Variants in WWC2 observed in about 807,000 individuals in gnomAD.
WWC2 encodes the protein WW and C2 domain containing 2, also known as protein WWC2.
Under a neutral mutation model 138.5 loss-of-function variants are expected in WWC2, and 101 were observed. The observed-to-expected ratio is 0.73, with a 90% confidence interval of 0.62 to 0.86. The LOEUF (loss-of-function observed/expected upper bound fraction) is 0.86. Among genes scored for constraint, WWC2 ranks in the 40% least tolerant of loss-of-function variants. WWC2 has a pLI of 0.00. For synonymous variants in WWC2, 558 were observed against 538.4 expected (o/e 1.04, Z -0.50); for missense variants, 1,420 against 1,419.4 (o/e 1.00, Z -0.01).
chr4:183,172,485 C>T (rs181153015), intron 1 of WWC2, among the ~76,000 whole-genome samples: 9 of 149,738 alleles, frequency 6.0e-5, no homozygotes, highest in South Asian at 4.2e-4. Flanking sequence ...AGTAAAAATT[C>T]GATGGTACTG....
At chr4:183,184,066 G>T (rs1301804874) in intron 1 of WWC2, among the ~76,000 whole-genome samples, 1 of 152,152 alleles carries the variant, frequency 6.6e-6, no homozygotes, top group Non-Finnish European at 1.5e-5. Context: ...ACAATGTTGT[G>T]CAACCAACCC....
At chr4:183,153,435 A>G (rs1733702128) in intron 1 of WWC2, among the ~76,000 whole-genome samples, 1 of 152,172 alleles carries the variant, frequency 6.6e-6, no homozygotes, top group African/African-American at 2.4e-5. Flanking sequence ...TCTGGCTGAA[A>G]TGTTCTAAAG....
chr4:183,284,206 ATTG>A lies in WWC2; in HGVS notation c.2884-17_2884-15del. On this transcript the variant is annotated splice_polypyrimidine_tract_variant and intron_variant, in intron 18 of 22. Coordinates refer to ENST00000403733, the MANE Select transcript of WWC2 (RefSeq NM_024949.6). ...TTACACATCTTTCAGCTCCTGACAA[ATTG>A]TTAACTTCTCTTATAGGTTGACAAA... is the stretch of plus-strand genomic sequence containing the variant. 1 of 1,608,260 alleles carries A rather than the reference ATTG, an allele frequency of 6.2e-7. No homozygotes were observed. Among genetic ancestry groups the A allele is most frequent in the Non-Finnish European group, 8.5e-7 (1 of 1,175,380 alleles).
At chr4:183,238,676 GC>G (rs1167523148) in intron 4 of WWC2, among the ~76,000 whole-genome samples, 1 of 152,096 alleles carries the variant, frequency 6.6e-6, no homozygotes, top group Non-Finnish European at 1.5e-5. Context: ...TACCAAGTGA[GC>G]CCCACTAACC....
rs367635051 is a variant in WWC2, at chr4:183,310,012, A to C, written c.3385-2329A>C. ...TCCAACTGTATGGCATTCTGGGAAA[A>C]AGAAAACTGCAGAGCCAGTGAAGAG... On this transcript the variant is annotated intron_variant, in intron 21 of 22. Transcript: ENST00000403733. 1.8e-4 allele frequency among the ~76,000 whole-genome samples: 27 copies of C among 152,342 alleles called. 2 individuals are homozygous for C. The highest frequency in any genetic ancestry group is 1.4e-3 in the Admixed American group (22 of 15,310).
At position 183,137,012 on chromosome 4, in the gene WWC2, C is replaced by T. The variant is rs150347835; in HGVS notation, c.131+37390C>T. Among the ~76,000 whole-genome samples, 527 of 152,272 alleles carry T rather than the reference C, an allele frequency of 3.5e-3. 12 individuals carry two copies. The highest frequency in any genetic ancestry group is 0.032 in the Admixed American group (484 of 15,298). On this transcript the variant is annotated intron_variant, in intron 1 of 22. Coordinates refer to ENST00000403733, the MANE Select transcript of WWC2 (RefSeq NM_024949.6). ...ACAATGGTAAGTATTTGTGTATCAA[C>T]ATATCTAAACATAGAAAAAGTACTG...
At position 183,283,067 on chromosome 4, in the gene WWC2, A is replaced by G. The variant is rs1217552900; in HGVS notation, c.2883+161A>G. Among the ~76,000 whole-genome samples the G allele has an allele frequency of 2.6e-5, 4 of 152,248 alleles. No individual in the cohort carries two copies. The East Asian group carries it at 7.7e-4, about 29-fold the overall frequency. On this transcript the variant is annotated intron_variant, in intron 18 of 22. Coordinates refer to ENST00000403733, the MANE Select transcript of WWC2 (RefSeq NM_024949.6). Reference sequence around the variant, plus strand: ...GTGGGAATAGGCTCTAAGAAGCATCATAAATGCTTTAACGTTTTAAAATGG... The same window carrying G: ...GTGGGAATAGGCTCTAAGAAGCATCGTAAATGCTTTAACGTTTTAAAATGG...
intron 1 of WWC2, among the ~76,000 whole-genome samples, chr4:183,103,617 C>T (rs1026397746): frequency 3.3e-5 from 5 of 150,694 alleles, no homozygotes; most frequent in Admixed American, 1.3e-4. Flanking sequence ...CATGAACCAC[C>T]GCACCTGGAC....
intron 1 of WWC2, among the ~76,000 whole-genome samples, chr4:183,173,942 A>C (rs139908315): frequency 2.9e-3 from 445 of 152,272 alleles, no homozygotes; most frequent in South Asian, 9.5e-3. Context: ...GTCATATGGC[A>C]GTGATCTGGC....
intron 2 of WWC2, among the ~76,000 whole-genome samples, chr4:183,206,289 TA>T (rs1168911508): frequency 1.3e-5 from 2 of 152,170 alleles, no homozygotes; most frequent in Non-Finnish European, 2.9e-5. Context: ...CTTTGTTTTT[TA>T]AAAATCTCTA....
At chr4:183,106,310 T>G (rs1217489836) in intron 1 of WWC2, among the ~76,000 whole-genome samples, 2 of 152,154 alleles carry the variant, frequency 1.3e-5, no homozygotes, top group African/African-American at 4.8e-5. Context: ...AAAGGCACAG[T>G]GTGTATGTAA....
chr4:183,207,679 A>C (rs901332062), intron 2 of WWC2, among the ~76,000 whole-genome samples: 30 of 152,142 alleles, frequency 2.0e-4, no homozygotes, highest in Admixed American at 4.6e-4. Context: ...TTCTGTAGGC[A>C]CTGGGGAGCC....
chr4:183,110,110 T>G (rs1193419014), intron 1 of WWC2, among the ~76,000 whole-genome samples: 1 of 152,214 alleles, frequency 6.6e-6, no homozygotes, highest in Non-Finnish European at 1.5e-5. Flanking sequence ...GCTTTTGTGG[T>G]GTAGAGACAG....
chr4:183,245,246 A>AGAG (rs1222983392), intron 5 of WWC2, among the ~76,000 whole-genome samples, 170 bp from the exon 6 acceptor site: 5 of 146,226 alleles, frequency 3.4e-5, no homozygotes, highest in African/African-American at 1.4e-4. Flanking sequence ...AAAAAAAAAA[A>AGAG]AAAGAGAGAG....
rs543207798 is a variant in WWC2 at position 183,261,442 on chromosome 4, G to A, written c.1819G>A (p.Asp607Asn). ...CCTCATCGAAAATCAGATTTTGCTGGATTCTGATTCAGGAGGAGCCTCCCA... is the reference window on the plus strand; with the variant it reads ...CCTCATCGAAAATCAGATTTTGCTGAATTCTGATTCAGGAGGAGCCTCCCA... ...ISLIENQILLDSDSGGASQSL... is the reference protein window; with the variant it reads ...ISLIENQILLNSDSGGASQSL... The change falls in exon 11 of 23, where the codon GAT (aspartate) becomes AAT (asparagine). Residue 607 changes from aspartate (D) to asparagine (N), a missense_variant. Transcript: ENST00000403733. The A allele has an allele frequency of 1.1e-5, 18 of 1,612,246 alleles. No homozygotes were observed. Among genetic ancestry groups the A allele is most frequent in the Non-Finnish European group, 1.4e-5 (17 of 1,179,166 alleles).
chr4:183,262,811 G>T (rs1737373978), intron 11 of WWC2, among the ~76,000 whole-genome samples: 2 of 152,026 alleles, frequency 1.3e-5, no homozygotes, highest in Admixed American at 1.3e-4. Context: ...TGTGTGTTAG[G>T]GGGTGCATAC....
intron 4 of WWC2, among the ~76,000 whole-genome samples, chr4:183,221,495 T>G (rs1342761895): frequency 1.3e-5 from 2 of 152,172 alleles, no homozygotes; most frequent in East Asian, 1.9e-4. Context: ...AAAGTAATCC[T>G]TACTCTAGAA....
chr4:183,268,765 T>C (rs912503806), intron 14 of WWC2, among the ~76,000 whole-genome samples: 3 of 152,214 alleles, frequency 2.0e-5, no homozygotes, highest in Non-Finnish European at 2.9e-5. Flanking sequence ...GGCCATTGCA[T>C]GCTCAGGGGC....
chr4:183,198,996 G>A lies in WWC2; in HGVS notation c.241+5288G>A, dbSNP rs182764629. Among the ~76,000 whole-genome samples, 33 of 152,196 alleles carry A rather than the reference G, an allele frequency of 2.2e-4. 1 individual carries two copies. The highest frequency in any genetic ancestry group is 7.9e-4 in the African/African-American group (33 of 41,520). On this transcript the variant is annotated intron_variant, in intron 2 of 22. Transcript: ENST00000403733. ...GACCACCACCATGCCAGGAGAAGAT[G>A]GGGAAACATGAAGAAGCAGCCTTTC...
Sources: gnomAD v4.1 joint callset for allele counts (sites outside exome capture counted in the v4.1 genomes callset) on GRCh38, gnomAD v4.1.1 for gene constraint, MANE v1.5 for transcripts, NCBI Gene and HGNC (gene_info 2026-07-23, HGNC 2026-07-21) for gene names.